Variants in VWA5B1 observed in about 807,000 individuals in gnomAD.
The protein encoded by VWA5B1 is von Willebrand factor A domain containing 5B1, also known as von Willebrand factor A domain-containing protein 5B1.
VWA5B1 carries 115 observed loss-of-function variants against 118.2 expected under a neutral mutation model. That is an observed-to-expected ratio of 0.97 (90% CI 0.84 to 1.14). VWA5B1 has a LOEUF of 1.14. VWA5B1 is among the 50% of genes most tolerant of loss of function. The pLI is 0.00. For missense variants in VWA5B1, 1,596 were observed against 1,603.8 expected (o/e 1.00, Z 0.08); for synonymous variants, 682 against 658.4 (o/e 1.04, Z -0.55).
In VWA5B1 at chr1:20,330,231, G is replaced by A. The variant is rs2089505987; in HGVS notation, c.1306G>A (p.Gly436Ser). The A allele has an allele frequency of 2.6e-6, 4 of 1,551,594 alleles. No homozygotes were observed. Among genetic ancestry groups the A allele is most frequent in the Non-Finnish European group, 3.5e-6 (4 of 1,147,008 alleles). ...CATCCAGAGAATGAAGGCCGACATG[G>A]GTGGGACCAACATCCTTTCCCCTCT... ...DDIQRMKADM[G>S]GTNILSPLKW... The change falls in exon 10 of 22, where the codon GGT (glycine) becomes AGT (serine). Residue 436 changes from glycine to serine, a missense_variant. Transcript: ENST00000289815.
intron 7 of VWA5B1, chr1:20,322,989 C>T (rs1207373276): frequency 6.0e-6 from 1 of 165,646 alleles, no homozygotes; most frequent in Non-Finnish European, 1.3e-5. Context: ...ATTACTCAAC[C>T]AACGGGCTTC....
At chr1:20,312,435 G>A (rs1324913198) in intron 2 of VWA5B1, among the ~76,000 whole-genome samples, 1 of 152,154 alleles carries the variant, frequency 6.6e-6, no homozygotes, top group Admixed American at 6.5e-5. Flanking sequence ...AAACATGATG[G>A]GGTCTGGATT....
chr1:20,319,529 G>T, intron 7 of VWA5B1, 23 bp downstream of exon 7: 1 of 1,550,912 alleles, frequency 6.4e-7, no homozygotes. Flanking sequence ...GAGGTGGGGA[G>T]CGGACGGTGG....
rs572416357 is a variant in VWA5B1, at chr1:20,336,417, G to A, written c.1873G>A (p.Gly625Arg). Residue 625 changes from glycine (G) to arginine (R), a missense_variant, in exon 13 of 22, where the codon GGG becomes AGG. Coordinates refer to ENST00000289815, the MANE Select transcript of VWA5B1 (RefSeq NM_001039500.3). ...LEGGDCAKNS[G>R]APFILGQAKN... ...AGGTGGAGACTGTGCCAAGAACTCG[G>A]GGGCACCCTTCATCCTAGGGCAGGC... 1.5e-5 allele frequency: 23 copies of A among 1,522,016 alleles called. No individual in the cohort carries two copies. Among genetic ancestry groups the A allele is most frequent in the Middle Eastern group, 1.7e-4 (1 of 5,928 alleles). The allele number at this position is 1,522,016 out of a possible 1,614,324, so 94.3% of individuals were successfully genotyped here.
chr1:20,317,499 G>A (rs1405089193), intron 4 of VWA5B1, 31 bp from the exon 5 acceptor site: 1 of 1,548,626 alleles, frequency 6.5e-7, no homozygotes, highest in Middle Eastern at 1.7e-4. Flanking sequence ...ACCCTGGCTG[G>A]TCTCCTTTCC....
At chr1:20,345,195 G>A (rs898459607) in intron 16 of VWA5B1, among the ~76,000 whole-genome samples, 2 of 152,208 alleles carry the variant, frequency 1.3e-5, no homozygotes, top group Non-Finnish European at 1.5e-5. Context: ...TTTAAAGGAA[G>A]TAGCTGTCTT....
intron 1 of VWA5B1, among the ~76,000 whole-genome samples, chr1:20,304,109 G>T (rs1404368265): frequency 6.6e-6 from 1 of 152,234 alleles, no homozygotes; most frequent in African/African-American, 2.4e-5. Context: ...ACAAGGCAAA[G>T]GAGGAGGTGC....
chr1:20,301,355 G>C (rs1292486879), intron 1 of VWA5B1, among the ~76,000 whole-genome samples: 1 of 152,186 alleles, frequency 6.6e-6, no homozygotes, highest in Non-Finnish European at 1.5e-5. Flanking sequence ...TCCCTTGCAA[G>C]CCTCTCAATA....
At chr1:20,343,552 C>T (rs1300395716) in intron 16 of VWA5B1, among the ~76,000 whole-genome samples, 159 bp downstream of exon 16, 1 of 145,332 alleles carries the variant, frequency 6.9e-6, no homozygotes, top group Non-Finnish European at 1.5e-5. Context: ...CTCCTCACAG[C>T]CCCGCCCAAT....
chr1:20,301,667 G>A (rs1024377468), intron 1 of VWA5B1, among the ~76,000 whole-genome samples: 3 of 152,242 alleles, frequency 2.0e-5, no homozygotes, highest in Non-Finnish European at 4.4e-5. Flanking sequence ...CTCAGCACAC[G>A]GGAAGCGGTG....
intron 14 of VWA5B1, chr1:20,338,294 T>C (rs2089780074): frequency 2.9e-6 from 1 of 345,764 alleles, no homozygotes; most frequent in Non-Finnish European, 5.7e-6. Flanking sequence ...AGATTGCACC[T>C]CCTACAAATT....
rs2088676367 is a variant in VWA5B1, at chr1:20,307,016, C to T, written c.-26-3560C>T. Reference sequence around the variant, plus strand: ...CCTCTTCTCCCCTGGCCCCTTTTGCCAGCTCCACTCAATCCCTTTCTGGTT... The same window carrying T: ...CCTCTTCTCCCCTGGCCCCTTTTGCTAGCTCCACTCAATCCCTTTCTGGTT... On this transcript the variant is annotated intron_variant, in intron 1 of 21. Coordinates refer to ENST00000289815, the MANE Select transcript of VWA5B1 (RefSeq NM_001039500.3). Among the ~76,000 whole-genome samples, 3 of 152,306 alleles carry T rather than the reference C, an allele frequency of 2.0e-5. No individual in the cohort carries two copies. The South Asian group carries it at 6.2e-4, about 32-fold the overall frequency.
Position 20,348,326 on chromosome 1 carries a change from C to T in VWA5B1, c.2846C>T (p.Thr949Met), listed in dbSNP as rs2090051710. 2.1e-5 allele frequency: 33 copies of T among 1,551,490 alleles called. No individual in the cohort carries two copies. The highest frequency in any genetic ancestry group is 2.4e-5 in the East Asian group (1 of 40,932). Residue 949 changes from threonine to methionine, a missense_variant, in exon 18 of 22, where the codon ACG (threonine) becomes ATG (methionine). Coordinates refer to ENST00000289815, the MANE Select transcript of VWA5B1 (RefSeq NM_001039500.3). ...GTSSGFGRPQTMLGEDSAPGN... is the reference protein window; with the variant it reads ...GTSSGFGRPQMMLGEDSAPGN... ...TCTTCTGGCTTTGGAAGGCCGCAGA[C>T]GATGCTTGGAGAAGATTCGGCACCA...
chr1:20,295,938 C>T (rs2088398348), intron 1 of VWA5B1, among the ~76,000 whole-genome samples: 1 of 152,226 alleles, frequency 6.6e-6, no homozygotes, highest in South Asian at 2.1e-4. Context: ...TCTCAGCTCA[C>T]TGCAACCTCC....
At chr1:20,294,667 C>T (rs757817947) in intron 1 of VWA5B1, among the ~76,000 whole-genome samples, 60 of 151,970 alleles carry the variant, frequency 3.9e-4, no homozygotes, top group Non-Finnish European at 7.5e-4. Flanking sequence ...TTAGTAGAGA[C>T]GGGGTTTCTC....
At position 20,348,369 on chromosome 1, in the gene VWA5B1, G is replaced by A. The variant is rs1354603935; in HGVS notation, c.2878+11G>A. 1.3e-6 allele frequency: 2 copies of A among 1,551,556 alleles called. No individual in the cohort carries two copies. The highest frequency in any genetic ancestry group is 1.7e-6 in the Non-Finnish European group (2 of 1,147,004). ...CGGCACCAGGAAATGGTAAATTTCA[G>A]GCCCTAAGTAAGAGCCACCCTGGGC... On this transcript the variant is annotated intron_variant, in intron 18 of 21. Coordinates refer to ENST00000289815, the MANE Select transcript of VWA5B1 (RefSeq NM_001039500.3).
In VWA5B1 at chr1:20,348,349, C is replaced by T; in HGVS notation, c.2869C>T (p.Pro957Ser). Residue 957 changes from proline (P) to serine (S), a missense_variant, in exon 18 of 22, where the codon CCA (proline) becomes TCA (serine). Coordinates refer to ENST00000289815, the MANE Select transcript of VWA5B1 (RefSeq NM_001039500.3). ...GACGATGCTTGGAGAAGATTCGGCA[C>T]CAGGAAATGGTAAATTTCAGGCCCT... ...PQTMLGEDSA[P>S]GNDMEASPTA... The T allele has an allele frequency of 6.4e-7, 1 of 1,551,626 alleles. No homozygotes were observed. Among genetic ancestry groups the T allele is most frequent in the Non-Finnish European group, 8.7e-7 (1 of 1,147,014 alleles).
chr1:20,339,582 T>C (rs1364622827), intron 14 of VWA5B1, among the ~76,000 whole-genome samples: 1 of 152,068 alleles, frequency 6.6e-6, no homozygotes, highest in Non-Finnish European at 1.5e-5. Context: ...GAATGGGCTT[T>C]ATGTAGATTT....
chr1:20,299,806 A>G (rs148945020), intron 1 of VWA5B1, among the ~76,000 whole-genome samples: 165 of 152,302 alleles, frequency 1.1e-3, no homozygotes, highest in African/African-American at 3.7e-3. Context: ...TCTCCACTCA[A>G]AACATGGGGA....
Sources: allele counts gnomAD v4.1 joint callset (sites outside exome capture counted in the v4.1 genomes callset), GRCh38; gene constraint gnomAD v4.1.1; transcripts MANE v1.5; gene names NCBI Gene and HGNC (gene_info 2026-07-23, HGNC 2026-07-21).